The following UACA variants were observed in gnomAD, a reference collection of about 807,000 sequenced individuals.
UACA encodes nuclear membrane binding protein.
A neutral mutation model predicts 160.5 loss-of-function variants in UACA; 112 were observed. That is an observed-to-expected ratio of 0.70 (90% confidence interval 0.60 to 0.82). The LOEUF (loss-of-function observed/expected upper bound fraction) is 0.82. UACA is among the 40% of genes least tolerant of loss of function. The pLI is 0.00. For missense variants in UACA, 1,574 were observed against 1,614.6 expected, an observed-to-expected ratio of 0.97 and a Z score of 0.43; for synonymous variants, 557 against 568.4, an observed-to-expected ratio of 0.98 and a Z score of 0.29.
At chr15:70,763,309 A>C (rs2030890587) in intron 1 of UACA, 21 bp downstream of exon 1, 1 of 1,325,884 alleles carries the variant, frequency 7.5e-7, no homozygotes, top group Non-Finnish European at 9.7e-7. Flanking sequence ...AGCGCCTCGC[A>C]GCCCGGACCG....
At position 70,671,035 on chromosome 15, in the gene UACA, T is replaced by C; in HGVS notation, c.1221+4A>G. On this transcript the variant is annotated splice_donor_region_variant and intron_variant, in intron 15 of 18. Transcript: ENST00000322954. ...TTAAAATTAAAAAAAAAAACAGTTA[T>C]TACCTGTGAGTCTGCCATATACATC... 1 of 1,534,636 alleles carries C rather than the reference T, an allele frequency of 6.5e-7. No individual in the cohort carries two copies. Among genetic ancestry groups the C allele is most frequent in the Non-Finnish European group, 8.7e-7 (1 of 1,143,790 alleles).
At chr15:70,763,606 TGGCGGG>T, upstream of UACA, 2 of 1,143,936 alleles carry the variant, frequency 1.7e-6, no homozygotes, top group Non-Finnish European at 2.2e-6. Context: ...CCCGCTGCCC[TGGCGGG>T]GGCGTGGCAA....
chr15:70,663,724 A>G (rs1182518801), intron 17 of UACA, among the ~76,000 whole-genome samples: 1 of 152,072 alleles, frequency 6.6e-6, no homozygotes, highest in Non-Finnish European at 1.5e-5. Context: ...TTGTAGGGAC[A>G]TGGATGAAGC....
intron 1 of UACA, among the ~76,000 whole-genome samples, chr15:70,710,791 T>A (rs1247896435): frequency 6.6e-6 from 1 of 152,224 alleles, no homozygotes; most frequent in Non-Finnish European, 1.5e-5. Context: ...TGCCCTCTCC[T>A]GGTTCACCAT....
intron 1 of UACA, among the ~76,000 whole-genome samples, chr15:70,759,046 T>C (rs150652011): frequency 1.8e-4 from 27 of 152,258 alleles, no homozygotes; most frequent in African/African-American, 6.0e-4. Context: ...GGGCTAATCT[T>C]GTATTTTTTG....
At chr15:70,769,690 A>G in the UACA span, among the ~76,000 whole-genome samples, 1 of 152,176 alleles carries the variant, frequency 6.6e-6, no homozygotes, top group African/African-American at 2.4e-5. Flanking sequence ...AAAGGAACCC[A>G]TATAAGTGTA....
chr15:70,754,026 G>T (rs1287056237), intron 1 of UACA: 1 of 429,740 alleles, frequency 2.3e-6, no homozygotes, highest in Non-Finnish European at 4.7e-6. Context: ...GGCTGGTTTC[G>T]AACTCCTGAC....
upstream of UACA, among the ~76,000 whole-genome samples, chr15:70,765,674 A>G (rs2030994601): frequency 6.6e-6 from 1 of 152,192 alleles, no homozygotes; most frequent in African/African-American, 2.4e-5. Flanking sequence ...GAATTGATGC[A>G]TTCTTATTGA....
At chr15:70,747,983 T>C (rs1039149528) in intron 1 of UACA, among the ~76,000 whole-genome samples, 3 of 152,232 alleles carry the variant, frequency 2.0e-5, no homozygotes, top group African/African-American at 7.2e-5. Context: ...CTCTAATTCA[T>C]ATAATTCTCA....
intron 5 of UACA, 66 bp downstream of exon 5, chr15:70,690,388 C>A: frequency 7.0e-7 from 1 of 1,436,402 alleles, no homozygotes; most frequent in East Asian, 2.3e-5. Flanking sequence ...TGTTAAAACC[C>A]TGAAATTAAT....
At chr15:70,755,394 G>A (rs1208442633) in intron 1 of UACA, among the ~76,000 whole-genome samples, 1 of 151,982 alleles carries the variant, frequency 6.6e-6, no homozygotes, top group Non-Finnish European at 1.5e-5. Flanking sequence ...ATGAGGCCGG[G>A]GGCAGTGGCT....
the UACA span, among the ~76,000 whole-genome samples, chr15:70,770,997 T>C: frequency 6.6e-6 from 1 of 152,180 alleles, no homozygotes; most frequent in East Asian, 1.9e-4. Context: ...CTAACAACAA[T>C]AGAGGTTGCT....
In UACA at chr15:70,660,033, A is replaced by T. The variant is rs1896646901; in HGVS notation, c.4179+118T>A. ...TTAAAAGAAACATAATTATTTTTAAATAAGCATAGGGGGTGCAGCTACTTT... is the reference window on the plus strand; with the variant it reads ...TTAAAAGAAACATAATTATTTTTAATTAAGCATAGGGGGTGCAGCTACTTT... On this transcript the variant is annotated intron_variant, in intron 18 of 18. Transcript: ENST00000322954. 4.1e-6 allele frequency: 3 copies of T among 730,574 alleles called. No homozygotes were observed. The South Asian group carries it at 7.8e-5, about 19-fold the overall frequency. The allele number at this position is 730,574 out of a possible 1,614,324, so 45.3% of individuals were successfully genotyped here.
At position 70,667,877 on chromosome 15, in the gene UACA, C is replaced by A; in HGVS notation, c.2807G>T (p.Ser936Ile). Residue 936 changes from serine to isoleucine, a missense_variant, in exon 16 of 19, where the codon AGT becomes ATT. Coordinates refer to ENST00000322954, the MANE Select transcript of UACA (RefSeq NM_018003.4). ...ATCCTGCACCTTTCTCATGCTCTGA[C>A]TTAGCGAGCTCATCTTTGCCTCGTG... ...AEHEAKMSSLSQSMRKVQDSN... is the reference protein window; with the variant it reads ...AEHEAKMSSLIQSMRKVQDSN... 6.2e-7 allele frequency: 1 copy of A among 1,614,084 alleles called. No individual in the cohort carries two copies. The highest frequency in any genetic ancestry group is 1.3e-5 in the African/African-American group (1 of 75,044).
intron 1 of UACA, among the ~76,000 whole-genome samples, chr15:70,718,213 C>T (rs190863992): frequency 7.5e-6 from 1 of 133,110 alleles, no homozygotes; most frequent in Admixed American, 8.9e-5. Context: ...ATTTATTCTC[C>T]TGCTTCCTTA....
Position 70,668,156 on chromosome 15 carries a change from G to A in UACA, c.2528C>T (p.Ala843Val). Reference sequence around the variant, plus strand: ...CAAGTTAGTGTTTTCAGATGTGAGAGCGTGTATTTTCTCCTGGTCTTCACC... The same window carrying A: ...CAAGTTAGTGTTTTCAGATGTGAGAACGTGTATTTTCTCCTGGTCTTCACC... ...KCGEDQEKIH[A>V]LTSENTNLKK... The change falls in exon 16 of 19, where the codon GCT becomes GTT. Residue 843 changes from alanine to valine, a missense_variant. Coordinates refer to ENST00000322954, the MANE Select transcript of UACA (RefSeq NM_018003.4). 2 of 1,613,142 alleles carry A rather than the reference G, an allele frequency of 1.2e-6. No individual in the cohort carries two copies. Among genetic ancestry groups the A allele is most frequent in the Non-Finnish European group, 1.7e-6 (2 of 1,179,806 alleles).
At chr15:70,771,774 G>A in the UACA span, among the ~76,000 whole-genome samples, 1 of 152,170 alleles carries the variant, frequency 6.6e-6, no homozygotes, top group African/African-American at 2.4e-5. Context: ...AAAGGAGCCT[G>A]TCAAGCATAG....
intron 13 of UACA, among the ~76,000 whole-genome samples, chr15:70,675,130 G>C (rs1897267857): frequency 6.6e-6 from 1 of 152,040 alleles, no homozygotes; most frequent in Non-Finnish European, 1.5e-5. Context: ...ACCCCTCATG[G>C]GTAAACCTCT....
chr15:70,690,419 A>C (rs753945764), intron 5 of UACA, 35 bp downstream of exon 5: 8 of 1,594,334 alleles, frequency 5.0e-6, no homozygotes, highest in South Asian at 1.1e-5. Flanking sequence ...AGACATTTTA[A>C]CAAATATTTG....
Sources: gnomAD v4.1 joint callset for allele counts (sites outside exome capture counted in the v4.1 genomes callset) on GRCh38, gnomAD v4.1.1 for gene constraint, MANE v1.5 for transcripts, NCBI Gene and HGNC (gene_info 2026-07-23, HGNC 2026-07-21) for gene names.